The following GPR158 variants were observed in gnomAD, a reference collection of about 807,000 sequenced individuals.
The protein encoded by GPR158 is G protein-coupled receptor 158, also known as metabotropic glycine receptor.
Under a neutral mutation model 78.2 loss-of-function variants are expected in GPR158, and 30 were observed. That is an observed-to-expected ratio of 0.38 (90% CI 0.29 to 0.52). GPR158 has a LOEUF of 0.52. Ranked by LOEUF, GPR158 falls within the 20% of genes least tolerant of loss-of-function variation. GPR158 has a pLI of 0.83. For synonymous variants in GPR158, 581 were observed against 591.1 expected, an observed-to-expected ratio of 0.98 and a Z score of 0.25; for missense variants, 1,463 against 1,523.5, an observed-to-expected ratio of 0.96 and a Z score of 0.66.
At chr10:25,445,341 C>T (rs1296342102) in intron 4 of GPR158, among the ~76,000 whole-genome samples, 3 of 152,050 alleles carry the variant, frequency 2.0e-5, no homozygotes, top group African/African-American at 7.2e-5. Flanking sequence ...ACAGTATATT[C>T]AAAGAAAGTC....
chr10:25,573,929 T>C (rs1315084651), intron 7 of GPR158, among the ~76,000 whole-genome samples: 1 of 151,982 alleles, frequency 6.6e-6, no homozygotes, highest in East Asian at 1.9e-4. Context: ...CTTATTATAT[T>C]TTGGGTAATA....
intron 2 of GPR158, among the ~76,000 whole-genome samples, chr10:25,297,294 A>T (rs66963587): frequency 0.2 from 30,940 of 152,186 alleles, 5,311 homozygotes; most frequent in African/African-American, 0.47. Flanking sequence ...TTGGTCCAGG[A>T]GAATAAACTT....
At chr10:25,271,012 T>C (rs2130742940) in intron 2 of GPR158, among the ~76,000 whole-genome samples, 1 of 152,330 alleles carries the variant, frequency 6.6e-6, no homozygotes, top group South Asian at 2.1e-4. Context: ...TCATACTTTG[T>C]AGATATTCTT....
At chr10:25,339,642 T>G (rs1159631719) in intron 2 of GPR158, among the ~76,000 whole-genome samples, 1 of 152,112 alleles carries the variant, frequency 6.6e-6, no homozygotes, top group Admixed American at 6.6e-5. Context: ...CTGAAGGTTT[T>G]TGTAGATAAT....
At chr10:25,434,522 G>A (rs1834970625) in intron 4 of GPR158, among the ~76,000 whole-genome samples, 1 of 152,108 alleles carries the variant, frequency 6.6e-6, no homozygotes, top group African/African-American at 2.4e-5. Flanking sequence ...TGTTACATAA[G>A]CAAAGGACTT....
chr10:25,499,147 T>C (rs568313033), intron 5 of GPR158, among the ~76,000 whole-genome samples: 1 of 152,378 alleles, frequency 6.6e-6, no homozygotes, highest in South Asian at 2.1e-4. Flanking sequence ...TTTCATTTAT[T>C]TTCTTTATAT....
At chr10:25,509,726 T>A (rs994638680) in intron 5 of GPR158, among the ~76,000 whole-genome samples, 1 of 152,204 alleles carries the variant, frequency 6.6e-6, no homozygotes, top group African/African-American at 2.4e-5. Context: ...TTTTATTTTT[T>A]TATTTTTCGA....
chr10:25,375,717 T>C (rs1336145021), intron 2 of GPR158, among the ~76,000 whole-genome samples: 4 of 151,656 alleles, frequency 2.6e-5, no homozygotes, highest in Non-Finnish European at 5.9e-5. Flanking sequence ...TTCATGAGTC[T>C]AAGTTTTCTA....
chr10:25,224,799 G>C (rs1444729611), intron 2 of GPR158, among the ~76,000 whole-genome samples: 3 of 152,050 alleles, frequency 2.0e-5, no homozygotes, highest in Non-Finnish European at 2.9e-5. Context: ...TGGCAATTCT[G>C]CATCTTACTT....
At chr10:25,551,894 C>T (rs543506896) in intron 6 of GPR158, among the ~76,000 whole-genome samples, 1 of 152,242 alleles carries the variant, frequency 6.6e-6, no homozygotes, top group East Asian at 1.9e-4. Context: ...GTTTCGACAA[C>T]CATGGTAAGC....
intron 4 of GPR158, among the ~76,000 whole-genome samples, chr10:25,419,087 T>C (rs1588853795): frequency 6.6e-6 from 1 of 152,238 alleles, no homozygotes; most frequent in East Asian, 1.9e-4. Context: ...GTAAAATTTT[T>C]ATTGTTCATT....
At chr10:25,404,320 TG>T (rs980715423) in intron 3 of GPR158, among the ~76,000 whole-genome samples, 3 of 152,096 alleles carry the variant, frequency 2.0e-5, no homozygotes, top group African/African-American at 7.2e-5. Context: ...TTAAATACAT[TG>T]TTAAAGAGGC....
chr10:25,196,060 A>T (rs762462981), intron 1 of GPR158, among the ~76,000 whole-genome samples: 5 of 151,874 alleles, frequency 3.3e-5, no homozygotes, highest in Non-Finnish European at 7.4e-5. Flanking sequence ...TATTGATTAC[A>T]CTTGCCATTT....
chr10:25,307,377 CT>C (rs561085223), intron 2 of GPR158, among the ~76,000 whole-genome samples: 18,243 of 111,828 alleles, frequency 0.16, 1,116 homozygotes, highest in East Asian at 0.43. Flanking sequence ...ATTTTAATTG[CT>C]TTTTTTTTTT....
chr10:25,366,738 C>T (rs1031104571), intron 2 of GPR158, among the ~76,000 whole-genome samples: 1 of 151,636 alleles, frequency 6.6e-6, no homozygotes, highest in African/African-American at 2.4e-5. Context: ...TGTCCTTGCC[C>T]CTGGCCACTG....
At chr10:25,181,171 C>T (rs1276592925) in intron 1 of GPR158, among the ~76,000 whole-genome samples, 1 of 152,192 alleles carries the variant, frequency 6.6e-6, no homozygotes, top group Non-Finnish European at 1.5e-5. Flanking sequence ...GGCTTACCTA[C>T]AGGAATAGCC....
chr10:25,192,583 A>G (rs1343056362), intron 1 of GPR158, among the ~76,000 whole-genome samples: 1 of 152,162 alleles, frequency 6.6e-6, no homozygotes, highest in Non-Finnish European at 1.5e-5. Flanking sequence ...AAAGGTATAG[A>G]ATGCCTCTTA....
chr10:25,598,265 CA>C lies in GPR158; in HGVS notation c.2641del (p.Ser881AlafsTer26). 1 of 1,614,052 alleles carries C rather than the reference CA, an allele frequency of 6.2e-7. No homozygotes were observed. The highest frequency in any genetic ancestry group is 8.5e-7 in the Non-Finnish European group (1 of 1,180,012). On this transcript the variant is annotated frameshift_variant, in exon 11 of 11. Coordinates refer to ENST00000376351, the MANE Select transcript of GPR158 (RefSeq NM_020752.3). LOFTEE classifies it low-confidence loss of function (END_TRUNC). ...TESVPLVCKS[A>X]SAHNLSSEKK... ...TCGGTGCCGTTGGTGTGCAAGTCAG[CA>C]AGCGCTCACAACCTCAGCTCAGAGA...
chr10:25,443,482 G>A (rs2130591529), intron 4 of GPR158, among the ~76,000 whole-genome samples: 1 of 151,286 alleles, frequency 6.6e-6, no homozygotes, highest in African/African-American at 2.4e-5. Flanking sequence ...TTGAACCTGG[G>A]AGGCAGAAGT....
Sources: gnomAD v4.1 joint callset for allele counts (sites outside exome capture counted in the v4.1 genomes callset) on GRCh38, gnomAD v4.1.1 for gene constraint, MANE v1.5 for transcripts, NCBI Gene and HGNC (gene_info 2026-07-23, HGNC 2026-07-21) for gene names.